FAF2: variants seen among roughly 807,000 people sequenced by gnomAD.
FAF2 encodes the protein Fas associated factor family member 2.
In FAF2, 9 loss-of-function variants were observed where a neutral mutation model predicts 62.3. The observed-to-expected ratio is 0.14, with a 90% confidence interval of 0.09 to 0.25. The LOEUF is 0.25. Among genes scored for constraint, FAF2 ranks in the 10% least tolerant of loss-of-function variants. The probability of loss-of-function intolerance (pLI) is 1.00; values close to 1 mark genes in which losing one functional copy is unlikely to be tolerated. For missense variants in FAF2, 368 were observed against 556.2 expected (o/e 0.66, Z 3.40); for synonymous variants, 202 against 198.0 (o/e 1.02, Z -0.17).
chr5:176,483,366 T>C (rs1758815728), intron 2 of FAF2, among the ~76,000 whole-genome samples: 1 of 152,226 alleles, frequency 6.6e-6, no homozygotes, highest in Non-Finnish European at 1.5e-5. Context: ...ATACCCTTGT[T>C]TTAAGAGTTT....
rs528583758 is a variant in FAF2 at position 176,469,127 on chromosome 5, C to A, written c.64-10061C>A. ...GGGCGTGGTAGCATGTGCCTGTAAT[C>A]CCAGCTACTCGGGAGGCTGAGGTAG... On this transcript the variant is annotated intron_variant, in intron 1 of 10. Transcript: ENST00000261942. Among the ~76,000 whole-genome samples the A allele has an allele frequency of 2.0e-5, 3 of 152,120 alleles. No homozygotes were observed. In the East Asian group the frequency reaches 5.8e-4, roughly 29 times the overall value.
intron 8 of FAF2, among the ~76,000 whole-genome samples, chr5:176,497,900 A>T (rs1333203334): frequency 6.6e-6 from 1 of 152,192 alleles, no homozygotes; most frequent in East Asian, 1.9e-4. Context: ...CTGTAATCCG[A>T]GCATTTCGGG....
chr5:176,489,282 T>A (rs1213002340), intron 4 of FAF2, among the ~76,000 whole-genome samples: 2 of 113,444 alleles, frequency 1.8e-5, no homozygotes, highest in African/African-American at 3.2e-5. Flanking sequence ...TATATTTATT[T>A]GTCTCCCCCT....
At chr5:176,467,946 C>T (rs775370252) in intron 1 of FAF2, among the ~76,000 whole-genome samples, 4 of 152,106 alleles carry the variant, frequency 2.6e-5, no homozygotes, top group Non-Finnish European at 5.9e-5. Flanking sequence ...TGGCAGATCA[C>T]CTGAGGTCAG....
chr5:176,500,140 T>C lies in FAF2; in HGVS notation c.1149T>C (p.Ser383=), dbSNP rs755085571. The change falls in exon 10 of 11, where the codon TCT becomes TCC. Residue 383 remains serine, a synonymous_variant. Transcript: ENST00000261942. ...AGAGACGATTCCACTTTTCACAGTC[T>C]CTAACAGTAAGGACCACCTAAGTTC... ...RVERRFHFSQ[S]LTVIHDFLFS... 1.2e-6 allele frequency: 2 copies of C among 1,614,052 alleles called. No homozygotes were observed. Among genetic ancestry groups the C allele is most frequent in the Non-Finnish European group, 1.7e-6 (2 of 1,179,976 alleles).
intron 1 of FAF2, among the ~76,000 whole-genome samples, chr5:176,456,924 AGTAGT>A (rs770546154): frequency 3.3e-5 from 5 of 152,278 alleles, no homozygotes; most frequent in South Asian, 2.1e-4. Flanking sequence ...ATACTTACTC[AGTAGT>A]GTTTGCTGGC....
rs113788753 is a variant in FAF2 at position 176,496,637 on chromosome 5, T to G, written c.813T>G (p.Thr271=). Residue 271 remains threonine, a synonymous_variant, in exon 8 of 11, where the codon ACT becomes ACG. Transcript: ENST00000261942. ...CATTTATCATGGATGCTAACCAGAC[T>G]TACCTGGTGTCAGAACGCCTAGAAA... ...QLTFIMDANQ[T]YLVSERLERE... 1,308 of 1,599,090 alleles carry G rather than the reference T, an allele frequency of 8.2e-4. 9 individuals are homozygous for G. In the African/African-American group the frequency reaches 0.016, roughly 19 times the overall value.
intron 1 of FAF2, among the ~76,000 whole-genome samples, chr5:176,471,093 T>C (rs1022880297): frequency 2.0e-5 from 3 of 152,230 alleles, no homozygotes; most frequent in Admixed American, 2.0e-4. Flanking sequence ...ATGTTTAATC[T>C]ATCACCTGAT....
chr5:176,460,313 G>T (rs749231138), intron 1 of FAF2, among the ~76,000 whole-genome samples: 3 of 152,082 alleles, frequency 2.0e-5, no homozygotes, highest in Non-Finnish European at 2.9e-5. Context: ...GAAATCCCCA[G>T]ACTGCTTTCC....
chr5:176,486,611 C>A, intron 3 of FAF2, 122 bp downstream of exon 3: 1 of 994,322 alleles, frequency 1.0e-6, no homozygotes, highest in Non-Finnish European at 1.5e-6. Flanking sequence ...GTTAGTTAGA[C>A]TTGGCCCGTT....
intron 4 of FAF2, among the ~76,000 whole-genome samples, chr5:176,489,673 G>A (rs1311673189): frequency 6.6e-6 from 1 of 152,130 alleles, no homozygotes; most frequent in African/African-American, 2.4e-5. Flanking sequence ...AGATAGCTGG[G>A]ATTACAAGCA....
At chr5:176,465,975 C>G (rs1242936116) in intron 1 of FAF2, among the ~76,000 whole-genome samples, 2 of 152,202 alleles carry the variant, frequency 1.3e-5, no homozygotes, top group Non-Finnish European at 2.9e-5. Context: ...TTACCATTAT[C>G]TAGATATTCC....
chr5:176,480,739 T>C (rs1188649460), intron 2 of FAF2, among the ~76,000 whole-genome samples: 1 of 145,988 alleles, frequency 6.8e-6, no homozygotes, highest in Non-Finnish European at 1.5e-5. Context: ...GGAACTTAAT[T>C]CTAGAGAATT....
rs1230472257 is a variant in FAF2 at position 176,499,054 on chromosome 5, A to G, written c.980A>G (p.Gln327Arg). ...RKRRKEEEVQ[Q>R]QKLAEERRRQ... ...CGGCGGAAGGAGGAGGAGGTGCAAC[A>G]GCAAAAGTTGGCAGAGGAGAGACGG... The change falls in exon 9 of 11, where the codon CAG becomes CGG. Residue 327 changes from glutamine to arginine, a missense_variant. Physicochemically the swap from Gln to Arg is conservative, Grantham distance 43. Coordinates refer to ENST00000261942, the MANE Select transcript of FAF2 (RefSeq NM_014613.3). The G allele has an allele frequency of 1.2e-6, 2 of 1,606,280 alleles. No individual in the cohort carries two copies. Among genetic ancestry groups the G allele is most frequent in the Non-Finnish European group, 1.7e-6 (2 of 1,175,708 alleles).
intron 4 of FAF2, among the ~76,000 whole-genome samples, chr5:176,490,186 C>A (rs1758949722): frequency 6.6e-6 from 1 of 152,020 alleles, no homozygotes. Context: ...TGGCTGGTGC[C>A]TGTAGTCCCA....
At chr5:176,462,257 C>G (rs999383144) in intron 1 of FAF2, among the ~76,000 whole-genome samples, 14 of 150,158 alleles carry the variant, frequency 9.3e-5, no homozygotes, top group African/African-American at 3.0e-4. Context: ...GCCTGGGTGG[C>G]AGAGTGAGAT....
intron 1 of FAF2, among the ~76,000 whole-genome samples, chr5:176,475,543 G>A (rs1017391305): frequency 4.6e-5 from 7 of 152,148 alleles, no homozygotes; most frequent in African/African-American, 1.7e-4. Context: ...TTGGGAGGCC[G>A]AGGCGGGTGG....
intron 1 of FAF2, among the ~76,000 whole-genome samples, chr5:176,457,077 T>C (rs563345487): frequency 5.6e-4 from 85 of 152,336 alleles, no homozygotes; most frequent in African/African-American, 1.9e-3. Context: ...GGAATATTTC[T>C]GAACCTTGCA....
At chr5:176,483,298 G>A (rs150089145) in intron 2 of FAF2, among the ~76,000 whole-genome samples, 23 of 152,192 alleles carry the variant, frequency 1.5e-4, no homozygotes, top group East Asian at 1.2e-3. Flanking sequence ...CTTTTGTCGC[G>A]TGTGCTTTTG....
Sources: gnomAD v4.1 joint callset for allele counts (sites outside exome capture counted in the v4.1 genomes callset) on GRCh38, gnomAD v4.1.1 for gene constraint, MANE v1.5 for transcripts, NCBI Gene and HGNC (gene_info 2026-07-23, HGNC 2026-07-21) for gene names.